ARHGAP44: variants seen among roughly 807,000 people sequenced by gnomAD.
ARHGAP44 encodes rho GTPase-activating protein 44.
Under a neutral mutation model 106.8 loss-of-function variants are expected in ARHGAP44, and 43 were observed. The observed-to-expected ratio is 0.40, with a 90% CI of 0.32 to 0.52. ARHGAP44 has a LOEUF of 0.52. ARHGAP44 is among the 20% of genes least tolerant of loss of function. The pLI is 0.48. For synonymous variants in ARHGAP44, 439 were observed against 410.3 expected (o/e 1.07, Z -0.85); for missense variants, 866 against 1,050.5 (o/e 0.82, Z 2.43).
At chr17:12,863,580 A>C (rs1318297625) in intron 1 of ARHGAP44, among the ~76,000 whole-genome samples, 1 of 152,202 alleles carries the variant, frequency 6.6e-6, no homozygotes, top group Non-Finnish European at 1.5e-5. Flanking sequence ...CATTTCTAAG[A>C]TCAAGGAGAG....
intron 1 of ARHGAP44, among the ~76,000 whole-genome samples, chr17:12,823,808 C>A (rs768563288): frequency 2.0e-5 from 3 of 152,136 alleles, no homozygotes; most frequent in Non-Finnish European, 4.4e-5. Flanking sequence ...TCACTGTCTC[C>A]ATTTCTTTGT....
At position 12,944,267 on chromosome 17, in the gene ARHGAP44, C is replaced by A; in HGVS notation, c.861+71C>A. On this transcript the variant is annotated intron_variant, in intron 10 of 20. Coordinates refer to ENST00000379672, the MANE Select transcript of ARHGAP44 (RefSeq NM_014859.6). ...TCCACGAGACAGAGCTTACAGGATCCTCTCTCCTGTACCATCTCCACTCCG... is the reference window on the plus strand; with the variant it reads ...TCCACGAGACAGAGCTTACAGGATCATCTCTCCTGTACCATCTCCACTCCG... 2.0e-6 allele frequency: 3 copies of A among 1,514,478 alleles called. No individual in the cohort carries two copies. The South Asian group carries it at 3.9e-5, about 19-fold the overall frequency. The allele number at this position is 1,514,478 out of a possible 1,614,324, so 93.8% of individuals were successfully genotyped here. A position where few individuals can be genotyped will look rare whatever the true frequency, so the allele number is the denominator to read the frequency against.
intron 10 of ARHGAP44, among the ~76,000 whole-genome samples, chr17:12,945,216 G>A (rs1321486410): frequency 1.3e-5 from 2 of 151,610 alleles, no homozygotes; most frequent in African/African-American, 4.9e-5. Flanking sequence ...CAATATGTTG[G>A]CCAGGCTAGT....
intron 1 of ARHGAP44, among the ~76,000 whole-genome samples, chr17:12,856,935 T>G (rs1402630045): frequency 6.6e-6 from 1 of 152,240 alleles, no homozygotes; most frequent in African/African-American, 2.4e-5. Context: ...TGAGATTTAC[T>G]TTCTGTAGTT....
chr17:12,895,943 G>A (rs1418618420), intron 2 of ARHGAP44, among the ~76,000 whole-genome samples: 3 of 152,144 alleles, frequency 2.0e-5, no homozygotes, highest in African/African-American at 7.2e-5. Flanking sequence ...ATGAGTTCAT[G>A]TCCTTTGTAG....
intron 16 of ARHGAP44, among the ~76,000 whole-genome samples, chr17:12,963,707 G>T (rs995076205): frequency 3.3e-5 from 5 of 152,104 alleles, no homozygotes; most frequent in African/African-American, 1.2e-4. Context: ...CACCAGTGCC[G>T]TGTGTGCAGA....
In ARHGAP44 at chr17:12,941,140, G is replaced by A. The variant is rs2038697211; in HGVS notation, c.651+16G>A. 2 of 1,612,862 alleles carry A rather than the reference G, an allele frequency of 1.2e-6. No individual in the cohort carries two copies. The highest frequency in any genetic ancestry group is 1.7e-6 in the Non-Finnish European group (2 of 1,178,822). ...CTTTCAAACGGTAAGTGCCCAGAAA[G>A]GTGAGATTGCTTAAAGGCTGTTCGT... On this transcript the variant is annotated intron_variant, in intron 8 of 20. Coordinates refer to ENST00000379672, the MANE Select transcript of ARHGAP44 (RefSeq NM_014859.6).
At chr17:12,897,710 CT>C (rs71980749) in intron 3 of ARHGAP44, among the ~76,000 whole-genome samples, 5,234 of 108,896 alleles carry the variant, frequency 0.048, 97 homozygotes, top group Admixed American at 0.085. Flanking sequence ...TGATCTGTGT[CT>C]TTTTTTTTTT....
intron 1 of ARHGAP44, among the ~76,000 whole-genome samples, chr17:12,836,045 T>A (rs1472644392): frequency 6.6e-6 from 1 of 152,226 alleles, no homozygotes; most frequent in Non-Finnish European, 1.5e-5. Flanking sequence ...TCCATCCATG[T>A]ACATTTGGGT....
chr17:12,975,952 AAGGGGCATGATC>A (rs1339395418), intron 18 of ARHGAP44, among the ~76,000 whole-genome samples: 1 of 152,076 alleles, frequency 6.6e-6, no homozygotes, highest in Non-Finnish European at 1.5e-5. Flanking sequence ...CCTTCCTTGA[AAGGGGCATGATC>A]AGGGGAGGCA....
intron 5 of ARHGAP44, among the ~76,000 whole-genome samples, chr17:12,916,738 T>G (rs1243004170): frequency 6.6e-6 from 1 of 152,164 alleles, no homozygotes; most frequent in Non-Finnish European, 1.5e-5. Context: ...GACACTCAAT[T>G]AAACTATTTT....
intron 4 of ARHGAP44, among the ~76,000 whole-genome samples, chr17:12,914,247 G>T (rs188175764): frequency 1.8e-4 from 27 of 152,262 alleles, no homozygotes; most frequent in Non-Finnish European, 3.1e-4. Flanking sequence ...GTATCCACCA[G>T]TTTAACAGAA....
At chr17:12,944,274 C>T in intron 10 of ARHGAP44, 78 bp downstream of exon 10, 1 of 1,461,812 alleles carries the variant, frequency 6.8e-7, no homozygotes, top group Non-Finnish European at 9.0e-7. Flanking sequence ...ATCCTCTCTC[C>T]TGTACCATCT....
At chr17:12,814,443 G>T (rs993014762) in intron 1 of ARHGAP44, among the ~76,000 whole-genome samples, 1 of 151,794 alleles carries the variant, frequency 6.6e-6, no homozygotes, top group Admixed American at 6.6e-5. Context: ...GTTTCACCAT[G>T]TTGGCCAGGC....
chr17:12,980,042 T>C lies in ARHGAP44; in HGVS notation c.1764-16T>C, dbSNP rs757350631. 2.5e-6 allele frequency: 4 copies of C among 1,590,612 alleles called. No homozygotes were observed. Among genetic ancestry groups the C allele is most frequent in the South Asian group, 1.1e-5 (1 of 89,276 alleles). ...AGTTCAGGGCTTTTCTTTTGTCTCA[T>C]GTGCTTTCGTTTCAGCACAACAAAA... On this transcript the variant is annotated splice_polypyrimidine_tract_variant and intron_variant, in intron 18 of 20. Transcript: ENST00000379672.
At chr17:12,871,414 A>G (rs775835394) in intron 1 of ARHGAP44, among the ~76,000 whole-genome samples, 6 of 152,158 alleles carry the variant, frequency 3.9e-5, no homozygotes, top group Admixed American at 3.3e-4. Context: ...TAATTGGCTC[A>G]TGGTTCCACA....
rs2039789992 is a variant in ARHGAP44 at position 12,979,990 on chromosome 17, C to T, written c.1764-68C>T. ...CCAGAAGGACACACAGGGTGGCCAT[C>T]GGCAAGGCTGGTGCTGCCGCTCACT... On this transcript the variant is annotated intron_variant, in intron 18 of 20. Transcript: ENST00000379672. 1.5e-5 allele frequency: 22 copies of T among 1,483,656 alleles called. No individual in the cohort carries two copies. The South Asian group carries it at 1.8e-4, about 12-fold the overall frequency. The allele number at this position is 1,483,656 out of a possible 1,614,324, so 91.9% of individuals were successfully genotyped here. A position where few individuals can be genotyped will look rare whatever the true frequency, so the allele number is the denominator to read the frequency against.
intron 20 of ARHGAP44, 76 bp from the exon 21 acceptor site, chr17:12,989,956 C>G: frequency 1.9e-6 from 3 of 1,565,646 alleles, no homozygotes; most frequent in Non-Finnish European, 2.6e-6. Flanking sequence ...CTAAGGCTGA[C>G]ATTATTTGCC....
chr17:12,789,716 A>T lies in ARHGAP44; in HGVS notation c.-123A>T, dbSNP rs1269836377. 5.9e-6 allele frequency: 5 copies of T among 848,626 alleles called. No individual in the cohort carries two copies. 52.6% of individuals were successfully genotyped at this position (848,626 alleles called of 1,614,324 possible). On this transcript the variant is annotated 5_prime_UTR_variant, in exon 1 of 21. Coordinates refer to ENST00000379672, the MANE Select transcript of ARHGAP44 (RefSeq NM_014859.6). ...TGCGCGCGGGCCAGACGGCGCCCGG[A>T]GGCTCCGCAGTGCCGCCGCCGTCGC...
Sources: gnomAD v4.1 joint callset for allele counts (sites outside exome capture counted in the v4.1 genomes callset) on GRCh38, gnomAD v4.1.1 for gene constraint, MANE v1.5 for transcripts, NCBI Gene and HGNC (gene_info 2026-07-23, HGNC 2026-07-21) for gene names.